PDILT: variants seen among roughly 807,000 people sequenced by gnomAD.
PDILT encodes the protein protein disulfide-isomerase-like protein of the testis.
Under a neutral mutation model 53.7 loss-of-function variants are expected in PDILT, and 43 were observed. That is an observed-to-expected ratio of 0.80 (90% CI 0.63 to 1.03). PDILT has a LOEUF of 1.03. Ranked by LOEUF, PDILT falls within the 50% of genes least tolerant of loss-of-function variation. PDILT has a pLI of 0.00. For missense variants in PDILT, 727 were observed against 712.3 expected (o/e 1.02, Z -0.24); for synonymous variants, 282 against 274.2 (o/e 1.03, Z -0.28).
chr16:20,385,933 C>G (rs1383141500), intron 2 of PDILT: 1 of 152,162 alleles, frequency 6.6e-6, no homozygotes, highest in Non-Finnish European at 1.5e-5. Flanking sequence ...TGAGCGCCAT[C>G]TGGTGGAACG....
In PDILT at chr16:20,369,686, G is replaced by T; in HGVS notation, c.922C>A (p.Leu308Ile). Residue 308 changes from leucine (L) to isoleucine (I), a missense_variant, in exon 8 of 12, where the codon CTT (leucine) becomes ATT (isoleucine). Leu to Ile is a conservative substitution (Grantham distance 5). Transcript: ENST00000302451. ...LASKEFQNKI[L>I]FILVDADEPR... ...TCGTCTGCATCCACAAGGATGAAAA[G>T]GATCTGCCAAAGAAAACAAAACCCT... The T allele has an allele frequency of 2.5e-6, 4 of 1,614,064 alleles. No individual in the cohort carries two copies. The highest frequency in any genetic ancestry group is 3.4e-6 in the Non-Finnish European group (4 of 1,180,022).
At chr16:20,365,570 T>C (rs1966178869) in intron 8 of PDILT, 30 bp from the exon 9 acceptor site, 1 of 1,609,378 alleles carries the variant, frequency 6.2e-7, no homozygotes, top group Admixed American at 1.7e-5. Context: ...GGCCTAAGAG[T>C]CTTCATAAAG....
chr16:20,362,965 G>A (rs1966127779), intron 9 of PDILT, among the ~76,000 whole-genome samples: 1 of 149,806 alleles, frequency 6.7e-6, no homozygotes, highest in Non-Finnish European at 1.5e-5. Context: ...CCAGCTACTC[G>A]GTAGGCTGAG....
chr16:20,379,740 G>C (rs543121471), intron 3 of PDILT, among the ~76,000 whole-genome samples: 1 of 152,192 alleles, frequency 6.6e-6, no homozygotes, highest in African/African-American at 2.4e-5. Flanking sequence ...AGTAGATATA[G>C]TTAAGGTCAT....
chr16:20,371,894 C>G (rs1230314508), intron 7 of PDILT, among the ~76,000 whole-genome samples: 1 of 151,930 alleles, frequency 6.6e-6, no homozygotes, highest in Admixed American at 6.6e-5. Context: ...TTTGAACCAT[C>G]TTTTTTGAAA....
At chr16:20,386,273 G>A (rs1003553577) in intron 2 of PDILT, among the ~76,000 whole-genome samples, 1 of 152,146 alleles carries the variant, frequency 6.6e-6, no homozygotes, top group East Asian at 1.9e-4. Context: ...GCGCCCAAGT[G>A]TGCCTTTCTT....
intron 3 of PDILT, among the ~76,000 whole-genome samples, chr16:20,380,155 G>A (rs947185264): frequency 6.6e-6 from 1 of 152,114 alleles, no homozygotes; most frequent in Non-Finnish European, 1.5e-5. Flanking sequence ...CAACGTTACA[G>A]TTATCTTCCA....
chr16:20,372,897 T>A lies in PDILT; in HGVS notation c.823A>T (p.Met275Leu), dbSNP rs769939928. Residue 275 changes from methionine to leucine, a missense_variant, in exon 7 of 12, where the codon ATG becomes TTG. Transcript: ENST00000302451. The stretch of plus-strand genomic sequence containing the variant: ...GAGACAAACAGCAGCATGTGACTCA[T>A]GATGTGCAACTCGGAAATCAGATCC... ...NKDLISELHIMSHMLLFVSKS... is the reference protein window; with the variant it reads ...NKDLISELHILSHMLLFVSKS... The A allele has an allele frequency of 2.0e-5, 32 of 1,613,998 alleles. 1 individual carries two copies. The Admixed American group carries it at 2.0e-4, about 10-fold the overall frequency.
At chr16:20,374,541 G>A (rs1044877762) in intron 5 of PDILT, among the ~76,000 whole-genome samples, 37 of 152,182 alleles carry the variant, frequency 2.4e-4, no homozygotes, top group African/African-American at 8.2e-4. Flanking sequence ...GATGGTAATT[G>A]CTGATGAAGG....
Position 20,365,493 on chromosome 16 carries a change from C to T in PDILT, c.1164G>A (p.Leu388=), listed in dbSNP as rs1191250963. 2 of 1,613,912 alleles carry T rather than the reference C, an allele frequency of 1.2e-6. No individual in the cohort carries two copies. The highest frequency in any genetic ancestry group is 1.7e-5 in the Admixed American group (1 of 60,002). ...AGTTCTTCCCCACGAGCTGCTTAAC[C>T]AGTCCCTGGTCCCAGTATTTTGGAA... ...EEIPKYWDQG[L]VKQLVGKNFN... Residue 388 remains leucine (L), a synonymous_variant, in exon 9 of 12, where the codon CTG becomes CTA. Coordinates refer to ENST00000302451, the MANE Select transcript of PDILT (RefSeq NM_174924.2).
chr16:20,388,114 T>A (rs771764769), intron 2 of PDILT, among the ~76,000 whole-genome samples: 1 of 152,266 alleles, frequency 6.6e-6, no homozygotes, highest in Non-Finnish European at 1.5e-5. Flanking sequence ...CTGAGGTTTT[T>A]ATCTGAGTGA....
At chr16:20,360,759 C>T (rs992368092) in intron 10 of PDILT, 102 bp from the exon 11 acceptor site, 18 of 822,426 alleles carry the variant, frequency 2.2e-5, no homozygotes, top group African/African-American at 2.0e-4. Flanking sequence ...CTAACAACCC[C>T]GGGTATGTTA....
chr16:20,385,297 T>C (rs116942025), intron 2 of PDILT, among the ~76,000 whole-genome samples: 1 of 152,332 alleles, frequency 6.6e-6, no homozygotes, highest in Non-Finnish European at 1.5e-5. Context: ...ATCTCAATTT[T>C]ATACATGAGG....
At chr16:20,380,125 C>T (rs1323097290) in intron 3 of PDILT, among the ~76,000 whole-genome samples, 2 of 152,086 alleles carry the variant, frequency 1.3e-5, no homozygotes. Flanking sequence ...TTTGTGCCAC[C>T]CTCTGCCCTT....
chr16:20,360,567 C>T lies in PDILT; in HGVS notation c.1506+1G>A. 1.2e-6 allele frequency: 2 copies of T among 1,611,472 alleles called. No individual in the cohort carries two copies. Among genetic ancestry groups the T allele is most frequent in the Non-Finnish European group, 1.7e-6 (2 of 1,177,526 alleles). On this transcript the variant is annotated splice_donor_variant, in intron 11 of 11. Coordinates refer to ENST00000302451, the MANE Select transcript of PDILT (RefSeq NM_174924.2). LOFTEE classifies it high-confidence loss of function. ...TTCAGAGTATTTCTGTTGCCCCTTA[C>T]CTCATCCTCATCCTCAATCTTAGTT...
intron 3 of PDILT, among the ~76,000 whole-genome samples, chr16:20,381,358 C>A (rs1265487182): frequency 6.6e-6 from 1 of 151,980 alleles, no homozygotes; most frequent in Non-Finnish European, 1.5e-5. Context: ...GAAATTGGGC[C>A]GGGTGCGGTG....
intron 1 of PDILT, among the ~76,000 whole-genome samples, chr16:20,399,652 C>T (rs1255983691): frequency 1.3e-5 from 2 of 151,920 alleles, no homozygotes; most frequent in Admixed American, 6.6e-5. Flanking sequence ...TAGGGTGAGC[C>T]TCTGGATCTC....
At chr16:20,374,007 T>C (rs1266213907) in intron 5 of PDILT, among the ~76,000 whole-genome samples, 1 of 152,104 alleles carries the variant, frequency 6.6e-6, no homozygotes, top group Non-Finnish European at 1.5e-5. Context: ...TGGAGTACAG[T>C]GGTTTAATCA....
chr16:20,403,304 T>C (rs1966767433), intron 1 of PDILT, among the ~76,000 whole-genome samples: 1 of 152,178 alleles, frequency 6.6e-6, no homozygotes, highest in Non-Finnish European at 1.5e-5. Flanking sequence ...ATTTTTATTG[T>C]TTGAGACAGA....
Sources: gnomAD v4.1 joint callset for allele counts (sites outside exome capture counted in the v4.1 genomes callset) on GRCh38, gnomAD v4.1.1 for gene constraint, MANE v1.5 for transcripts, NCBI Gene and HGNC (gene_info 2026-07-23, HGNC 2026-07-21) for gene names.